The following MACROD2 variants were observed in gnomAD, a reference collection of about 807,000 sequenced individuals.
The protein encoded by MACROD2 is mono-ADP ribosylhydrolase 2.
MACROD2 carries 36 observed loss-of-function variants against 70.4 expected under a neutral mutation model. That is an observed-to-expected ratio of 0.51 (90% CI 0.39 to 0.68). The LOEUF (loss-of-function observed/expected upper bound fraction) is 0.68, where lower values mean the gene tolerates loss of function less well. MACROD2 is among the 30% of genes least tolerant of loss of function. MACROD2 has a pLI of 0.00. For missense variants in MACROD2, 496 were observed against 538.4 expected, an observed-to-expected ratio of 0.92 and a Z score of 0.78; for synonymous variants, 172 against 178.8, an observed-to-expected ratio of 0.96 and a Z score of 0.30.
chr20:15,066,666 G>A (rs2075578049), intron 5 of MACROD2, among the ~76,000 whole-genome samples: 1 of 151,920 alleles, frequency 6.6e-6, no homozygotes, highest in African/African-American at 2.4e-5. Context: ...GATTGACTGA[G>A]CTAGGGAGTT....
chr20:14,215,981 G>C (rs559523679), intron 3 of MACROD2, among the ~76,000 whole-genome samples: 5 of 152,058 alleles, frequency 3.3e-5, no homozygotes, highest in Non-Finnish European at 5.9e-5. Context: ...TCTGCTGACT[G>C]TTCCTTTTGC....
intron 7 of MACROD2, among the ~76,000 whole-genome samples, chr20:15,478,372 G>A (rs1320959253): frequency 6.6e-6 from 1 of 152,178 alleles, no homozygotes; most frequent in Admixed American, 6.5e-5. Context: ...AGGGGCCAGA[G>A]AAAGTCTTTA....
In MACROD2 at chr20:15,986,710, A is replaced by G; in HGVS notation, c.986-17A>G. The G allele has an allele frequency of 3.1e-6, 5 of 1,596,124 alleles. No homozygotes were observed. Among genetic ancestry groups the G allele is most frequent in the Non-Finnish European group, 4.3e-6 (5 of 1,166,008 alleles). ...CATATCACATTTCTTTTATTTTTCAATCACTGTTTTGAACAGGACAAGAGA... is the reference window on the plus strand; with the variant it reads ...CATATCACATTTCTTTTATTTTTCAGTCACTGTTTTGAACAGGACAAGAGA... On this transcript the variant is annotated splice_polypyrimidine_tract_variant and intron_variant, in intron 13 of 17. Coordinates refer to ENST00000684519, the MANE Select transcript of MACROD2 (RefSeq NM_001351661.2).
intron 6 of MACROD2, among the ~76,000 whole-genome samples, chr20:15,345,746 T>C (rs897863998): frequency 1.3e-5 from 2 of 152,206 alleles, no homozygotes; most frequent in Admixed American, 1.3e-4. Context: ...GCCATTGTAC[T>C]GGAAGGTGCA....
chr20:14,970,743 T>G (rs2074683220), intron 5 of MACROD2, among the ~76,000 whole-genome samples: 1 of 152,230 alleles, frequency 6.6e-6, no homozygotes, highest in East Asian at 1.9e-4. Context: ...CTTAACCTCT[T>G]GGGCTCAAAC....
chr20:15,332,487 G>C (rs191427631), intron 6 of MACROD2, among the ~76,000 whole-genome samples: 1 of 151,590 alleles, frequency 6.6e-6, no homozygotes, highest in East Asian at 1.9e-4. Context: ...GAATTAATGT[G>C]ATTAATTTAT....
intron 8 of MACROD2, among the ~76,000 whole-genome samples, chr20:15,840,721 A>G (rs559969420): frequency 1.4e-4 from 22 of 152,134 alleles, no homozygotes; most frequent in Non-Finnish European, 2.6e-4. Flanking sequence ...TTCTTAAACT[A>G]GTATCAAGTA....
chr20:14,263,238 G>A (rs1410626032), intron 3 of MACROD2, among the ~76,000 whole-genome samples: 1 of 152,084 alleles, frequency 6.6e-6, no homozygotes, highest in Non-Finnish European at 1.5e-5. Flanking sequence ...TAAAAGAGAA[G>A]GAATTTAATG....
chr20:15,226,601 A>C (rs556372758), intron 5 of MACROD2, among the ~76,000 whole-genome samples: 59 of 152,286 alleles, frequency 3.9e-4, no homozygotes, highest in African/African-American at 1.2e-3. Flanking sequence ...CATGTTCTCA[A>C]TGGATTTTGA....
chr20:15,491,239 G>A (rs1263285424), intron 7 of MACROD2, among the ~76,000 whole-genome samples: 2 of 152,072 alleles, frequency 1.3e-5, no homozygotes, highest in African/African-American at 4.8e-5. Flanking sequence ...TGTTACCGTC[G>A]TGCTGACAGC....
At chr20:15,724,991 A>C (rs1014028485) in intron 8 of MACROD2, among the ~76,000 whole-genome samples, 7 of 152,220 alleles carry the variant, frequency 4.6e-5, no homozygotes, top group African/African-American at 1.7e-4. Flanking sequence ...CTGAGGCAGA[A>C]GAATGACGTG....
At chr20:14,077,037 A>T (rs977495528) in intron 2 of MACROD2, among the ~76,000 whole-genome samples, 1 of 152,208 alleles carries the variant, frequency 6.6e-6, no homozygotes, top group Non-Finnish European at 1.5e-5. Context: ...TAATAAATGC[A>T]TATGTTGTAG....
At chr20:15,311,115 G>A (rs1006763010) in intron 6 of MACROD2, among the ~76,000 whole-genome samples, 5 of 151,820 alleles carry the variant, frequency 3.3e-5, no homozygotes, top group Non-Finnish European at 7.4e-5. Context: ...AAATCCAGGT[G>A]GTAAATAAAA....
chr20:14,158,065 T>C lies in MACROD2; in HGVS notation c.271+72337T>C, dbSNP rs563786424. 1.2e-3 allele frequency among the ~76,000 whole-genome samples: 186 copies of C among 152,280 alleles called. 1 individual carries two copies. Among genetic ancestry groups the C allele is most frequent in the African/African-American group, 4.2e-3 (175 of 41,580 alleles). On this transcript the variant is annotated intron_variant, in intron 3 of 17. Transcript: ENST00000684519. ...CAGTGTATAAGAGTTCCTTTTTCTG[T>C]GTATCCTTGCTAGCATCTGTTCTTT...
Position 15,573,157 on chromosome 20 carries a change from C to T in MACROD2, c.645+73310C>T, listed in dbSNP as rs1310158581. On this transcript the variant is annotated intron_variant, in intron 8 of 17. Transcript: ENST00000684519. ...TGGCATAGTTCATTCCAGTCTCACT[C>T]ATGTTATATTTCACTAAGCCATAAA... Among the ~76,000 whole-genome samples the T allele has an allele frequency of 1.3e-5, 2 of 152,128 alleles. 1 individual carries two copies. The highest frequency in any genetic ancestry group is 2.9e-5 in the Non-Finnish European group (2 of 68,016).
chr20:14,360,098 G>T (rs999505360), intron 3 of MACROD2, among the ~76,000 whole-genome samples: 6 of 151,246 alleles, frequency 4.0e-5, no homozygotes, highest in African/African-American at 1.5e-4. Flanking sequence ...CCGGTGGCTT[G>T]CTGGGCACAG....
At chr20:14,106,833 G>A (rs576839948) in intron 3 of MACROD2, among the ~76,000 whole-genome samples, 1 of 152,154 alleles carries the variant, frequency 6.6e-6, no homozygotes, top group African/African-American at 2.4e-5. Flanking sequence ...GACCACCAAG[G>A]TGGTACCTTT....
chr20:14,063,589 G>C (rs1020977926), intron 2 of MACROD2, among the ~76,000 whole-genome samples: 3 of 152,160 alleles, frequency 2.0e-5, no homozygotes, highest in African/African-American at 7.2e-5. Context: ...ACTTTGTTTA[G>C]TGCACAACAT....
intron 4 of MACROD2, among the ~76,000 whole-genome samples, chr20:14,520,661 C>T (rs2085157421): frequency 3.3e-5 from 5 of 152,144 alleles, no homozygotes; most frequent in Admixed American, 3.3e-4. Context: ...TAATTCAGCT[C>T]AAATATTAAT....
Sources: gnomAD v4.1 joint callset for allele counts (sites outside exome capture counted in the v4.1 genomes callset) on GRCh38, gnomAD v4.1.1 for gene constraint, MANE v1.5 for transcripts, NCBI Gene and HGNC (gene_info 2026-07-23, HGNC 2026-07-21) for gene names.